The following ODAD2 variants were observed in gnomAD, a reference collection of about 807,000 sequenced individuals.
ODAD2 encodes outer dynein arm-docking complex subunit 2.
In ODAD2, 89 loss-of-function variants were observed where a neutral mutation model predicts 106.8. The ratio of observed to expected loss-of-function variants is 0.83; its 90% CI spans 0.70 to 0.99. The LOEUF (loss-of-function observed/expected upper bound fraction) is 0.99, where lower values mean the gene tolerates loss of function less well. ODAD2 is among the 50% of genes least tolerant of loss of function. ODAD2 has a pLI of 0.00. For missense variants in ODAD2, 1,168 were observed against 1,238.5 expected, an observed-to-expected ratio of 0.94 and a Z score of 0.85; for synonymous variants, 404 against 436.2, an observed-to-expected ratio of 0.93 and a Z score of 0.92.
chr10:27,967,376 A>C (rs1221087443), intron 9 of ODAD2, among the ~76,000 whole-genome samples: 1 of 152,168 alleles, frequency 6.6e-6, no homozygotes, highest in Non-Finnish European at 1.5e-5. Flanking sequence ...CTGACAAAGT[A>C]ACGAAGGACT....
At chr10:27,922,288 G>A (rs1350867717) in intron 16 of ODAD2, among the ~76,000 whole-genome samples, 1 of 151,832 alleles carries the variant, frequency 6.6e-6, no homozygotes, top group Non-Finnish European at 1.5e-5. Flanking sequence ...AAGAATTTAG[G>A]GAATTCTGCA....
At chr10:27,867,918 C>A (rs1840563955) in intron 17 of ODAD2, among the ~76,000 whole-genome samples, 2 of 151,122 alleles carry the variant, frequency 1.3e-5, no homozygotes, top group South Asian at 4.2e-4. Context: ...CACTGCACTC[C>A]AGCCTGGGTG....
chr10:27,816,081 A>G (rs144037130), intron 19 of ODAD2, among the ~76,000 whole-genome samples: 2,225 of 152,190 alleles, frequency 0.015, 29 homozygotes, highest in Non-Finnish European at 0.023. Context: ...GCTGCATCCA[A>G]CTGATTATCA....
At chr10:27,936,690 T>C (rs761374291) in intron 15 of ODAD2, 36 bp downstream of exon 15, 3 of 1,611,014 alleles carry the variant, frequency 1.9e-6, no homozygotes, top group South Asian at 2.2e-5. Context: ...TCAGAAGCCG[T>C]ATCTTCATTT....
At chr10:27,915,170 G>A (rs1804620898) in intron 16 of ODAD2, among the ~76,000 whole-genome samples, 1 of 152,006 alleles carries the variant, frequency 6.6e-6, no homozygotes, top group Non-Finnish European at 1.5e-5. Context: ...TAATCAAATG[G>A]CTGAAACCCA....
At position 27,987,311 on chromosome 10, in the gene ODAD2, C is replaced by T. The variant is rs1849932351; in HGVS notation, c.382+75G>A. The stretch of plus-strand genomic sequence containing the variant: ...TTTCAAGAGACTCTAACAAATGATC[C>T]TCCCACCCTTTCCCCACTTTCCCAG... On this transcript the variant is annotated intron_variant, in intron 3 of 19. Transcript: ENST00000305242. 3.3e-5 allele frequency: 46 copies of T among 1,373,950 alleles called. 1 individual carries two copies. In the South Asian group the frequency reaches 5.9e-4, roughly 18 times the overall value. 85.1% of individuals were successfully genotyped at this position (1,373,950 alleles called of 1,614,324 possible).
At chr10:27,993,711 AG>A (rs1850367908) in intron 2 of ODAD2, among the ~76,000 whole-genome samples, 2 of 152,164 alleles carry the variant, frequency 1.3e-5, no homozygotes, top group Non-Finnish European at 2.9e-5. Context: ...GCTGACCAAT[AG>A]AAGAATTAAA....
In ODAD2 at chr10:27,924,048, G is replaced by GAAAGAAAGAA. The variant is rs1554810929; in HGVS notation, c.2495+10961_2495+10962insTTCTTTCTTT. Among the ~76,000 whole-genome samples, 154 of 126,906 alleles carry GAAAGAAAGAA rather than the reference G, an allele frequency of 1.2e-3. 4 individuals are homozygous for GAAAGAAAGAA. Among genetic ancestry groups the GAAAGAAAGAA allele is most frequent in the East Asian group, 2.3e-3 (9 of 3,914 alleles). 83.3% of individuals were successfully genotyped at this position (126,906 alleles called of 152,430 possible). On this transcript the variant is annotated intron_variant, in intron 16 of 19. Coordinates refer to ENST00000305242, the MANE Select transcript of ODAD2 (RefSeq NM_018076.5). Reference sequence around the variant, plus strand: ...AAGGAAAGAGAAAGAAAGAAGGAAAGAGAAAGAAAGAAAGAAAGAAAGAAA... The same window carrying GAAAGAAAGAA: ...AAGGAAAGAGAAAGAAAGAAGGAAAGAAAGAAAGAAAGAAAGAAAGAAAGAAAGAAAGAAA...
At chr10:27,912,613 C>G (rs977165857) in intron 16 of ODAD2, among the ~76,000 whole-genome samples, 1 of 152,098 alleles carries the variant, frequency 6.6e-6, no homozygotes, top group Non-Finnish European at 1.5e-5. Flanking sequence ...ATCAACATAT[C>G]TATTTTGAAA....
At chr10:27,965,108 A>T (rs1383160647) in intron 9 of ODAD2, among the ~76,000 whole-genome samples, 1 of 152,152 alleles carries the variant, frequency 6.6e-6, no homozygotes, top group East Asian at 1.9e-4. Flanking sequence ...GTTTTTCAAG[A>T]TGATGATGGG....
intron 9 of ODAD2, among the ~76,000 whole-genome samples, chr10:27,965,712 A>G (rs796243799): frequency 4.5e-4 from 68 of 152,354 alleles, no homozygotes; most frequent in African/African-American, 1.5e-3. Context: ...GACACCCTAC[A>G]CAGTGCAAAC....
chr10:27,828,582 G>A (rs1034698371), intron 19 of ODAD2, among the ~76,000 whole-genome samples: 2 of 152,152 alleles, frequency 1.3e-5, no homozygotes, highest in Admixed American at 6.5e-5. Flanking sequence ...AAATCCATCT[G>A]AGTAATATCC....
At chr10:27,942,386 A>ATTT (rs919235362) in intron 12 of ODAD2, among the ~76,000 whole-genome samples, 2 of 152,180 alleles carry the variant, frequency 1.3e-5, no homozygotes, top group African/African-American at 4.8e-5. Flanking sequence ...GTCTGGTGAT[A>ATTT]TTTTTGTGAC....
chr10:27,980,032 ATGATCAAT>A (rs1455110746), intron 7 of ODAD2, among the ~76,000 whole-genome samples: 1 of 152,222 alleles, frequency 6.6e-6, no homozygotes. Flanking sequence ...TCTTCCATCT[ATGATCAAT>A]TGATTTTCAA....
intron 16 of ODAD2, among the ~76,000 whole-genome samples, chr10:27,911,268 G>A (rs531858671): frequency 6.6e-6 from 1 of 152,252 alleles, no homozygotes; most frequent in Admixed American, 6.5e-5. Context: ...AAGTCAGAAT[G>A]TCACCTTTTT....
At chr10:27,828,358 G>A (rs968703914) in intron 19 of ODAD2, among the ~76,000 whole-genome samples, 1 of 152,184 alleles carries the variant, frequency 6.6e-6, no homozygotes, top group Non-Finnish European at 1.5e-5. Flanking sequence ...ATATGCAGAA[G>A]TGAGAGGGAA....
At position 27,987,497 on chromosome 10, in the gene ODAD2, A is replaced by G; in HGVS notation, c.271T>C (p.Leu91=). 2.5e-6 allele frequency: 4 copies of G among 1,613,266 alleles called. No individual in the cohort carries two copies. Among genetic ancestry groups the G allele is most frequent in the Non-Finnish European group, 3.4e-6 (4 of 1,179,654 alleles). ...SEEVDKNGQP[L]LFLSVPQIKI... Reference sequence around the variant, plus strand: ...ATTTGTGGTACAGAGAGAAATAGCAAAGGCTGTCCATTTTTATCAACTTCT... The same window carrying G: ...ATTTGTGGTACAGAGAGAAATAGCAGAGGCTGTCCATTTTTATCAACTTCT... Residue 91 remains leucine (L), a synonymous_variant, in exon 3 of 20, where the codon TTG becomes CTG. Coordinates refer to ENST00000305242, the MANE Select transcript of ODAD2 (RefSeq NM_018076.5).
chr10:27,949,229 TAG>T (rs1847158612), intron 10 of ODAD2, among the ~76,000 whole-genome samples: 1 of 152,196 alleles, frequency 6.6e-6, no homozygotes, highest in African/African-American at 2.4e-5. Flanking sequence ...TGGTTAGCAT[TAG>T]AGACACACCG....
chr10:27,948,275 G>A (rs1847082083), intron 10 of ODAD2, among the ~76,000 whole-genome samples: 1 of 151,918 alleles, frequency 6.6e-6, no homozygotes, highest in Non-Finnish European at 1.5e-5. Flanking sequence ...TTTATATTAG[G>A]GAAAGTTAGT....
Sources: gnomAD v4.1 joint callset for allele counts (sites outside exome capture counted in the v4.1 genomes callset) on GRCh38, gnomAD v4.1.1 for gene constraint, MANE v1.5 for transcripts, NCBI Gene and HGNC (gene_info 2026-07-23, HGNC 2026-07-21) for gene names.